Variants in TLN2 observed in about 807,000 individuals in gnomAD.
TLN2 encodes talin 2.
Under a neutral mutation model 294.7 loss-of-function variants are expected in TLN2, and 118 were observed. The observed-to-expected ratio is 0.40, with a 90% CI of 0.34 to 0.47. The LOEUF is 0.47. TLN2 is among the 20% of genes least tolerant of loss of function. TLN2 has a pLI of 0.84. For synonymous variants in TLN2, 1,431 were observed against 1,304.5 expected, an observed-to-expected ratio of 1.10 and a Z score of -2.09; for missense variants, 3,083 against 3,282.2, an observed-to-expected ratio of 0.94 and a Z score of 1.48.
chr15:62,536,574 T>C (rs2140510747), intron 1 of TLN2, among the ~76,000 whole-genome samples: 1 of 152,254 alleles, frequency 6.6e-6, no homozygotes, highest in East Asian at 1.9e-4. Context: ...AGCACGTGTG[T>C]TTTGTCTGTC....
At chr15:62,792,616 C>T in intron 45 of TLN2, 25 bp from the exon 46 acceptor site, 1 of 1,608,616 alleles carries the variant, frequency 6.2e-7, no homozygotes, top group African/African-American at 1.3e-5. Flanking sequence ...GCTTCTCCTT[C>T]CCCATCCTGG....
intron 57 of TLN2, chr15:62,838,028 G>A (rs2141264767): frequency 1.3e-5 from 2 of 152,322 alleles, no homozygotes; most frequent in Middle Eastern, 3.4e-3. Context: ...CTGGGGACAT[G>A]TTTCATGAGC....
intron 52 of TLN2, among the ~76,000 whole-genome samples, chr15:62,814,929 G>A (rs922160272): frequency 2.0e-5 from 3 of 152,162 alleles, no homozygotes; most frequent in Middle Eastern, 3.2e-3. Flanking sequence ...GGCCAGTGCT[G>A]TATGAAGGTC....
chr15:62,740,727 C>T lies in TLN2; in HGVS notation c.3983C>T (p.Pro1328Leu). The T allele has an allele frequency of 1.2e-6, 2 of 1,614,180 alleles. No homozygotes were observed. The highest frequency in any genetic ancestry group is 1.7e-6 in the Non-Finnish European group (2 of 1,180,032). ...GCTGCCAAGTCTCTCTCTGTAGATC[C>T]AGGAGCTCCCAATGCGAAAAATCTC... ...LLAAKSLSVD[P>L]GAPNAKNLLA... Residue 1328 changes from proline to leucine, a missense_variant, in exon 32 of 59, where the codon CCA becomes CTA. Physicochemically the swap from Pro to Leu is moderately conservative, Grantham distance 98. Coordinates refer to ENST00000636159, the MANE Select transcript of TLN2 (RefSeq NM_015059.3).
At chr15:62,508,303 G>A (rs1309547215) in intron 1 of TLN2, among the ~76,000 whole-genome samples, 4 of 152,084 alleles carry the variant, frequency 2.6e-5, no homozygotes, top group East Asian at 3.9e-4. Flanking sequence ...TGCAACCTTC[G>A]CCTCCCGGGT....
intron 1 of TLN2, among the ~76,000 whole-genome samples, chr15:62,561,122 C>T (rs764114537): frequency 1.1e-4 from 16 of 152,206 alleles, no homozygotes; most frequent in Non-Finnish European, 2.1e-4. Flanking sequence ...CTGTGCCTTG[C>T]GACTTCATTA....
At chr15:62,573,962 C>G (rs757693407) in intron 1 of TLN2, among the ~76,000 whole-genome samples, 23 of 152,044 alleles carry the variant, frequency 1.5e-4, no homozygotes, top group Non-Finnish European at 2.9e-4. Flanking sequence ...CACATGCCTT[C>G]AACTTTGAGT....
At chr15:62,471,525 T>C (rs894101437) in intron 1 of TLN2, among the ~76,000 whole-genome samples, 1 of 152,186 alleles carries the variant, frequency 6.6e-6, no homozygotes, top group African/African-American at 2.4e-5. Context: ...TCCTGCATCT[T>C]TGCATGGCCC....
chr15:62,771,260 T>C (rs2063335620), intron 42 of TLN2, 126 bp downstream of exon 42: 1 of 1,092,520 alleles, frequency 9.2e-7, no homozygotes, highest in East Asian at 2.6e-5. Flanking sequence ...GCTCCCACTC[T>C]GAGATCAGAA....
At chr15:62,669,225 A>C (rs1250010499) in intron 9 of TLN2, among the ~76,000 whole-genome samples, 1 of 152,218 alleles carries the variant, frequency 6.6e-6, no homozygotes, top group African/African-American at 2.4e-5. Context: ...GCAGTAGCTC[A>C]ATTTTTATAC....
chr15:62,758,217 A>C (rs2062432363), intron 37 of TLN2, among the ~76,000 whole-genome samples: 1 of 152,034 alleles, frequency 6.6e-6, no homozygotes, highest in African/African-American at 2.4e-5. Flanking sequence ...TACCTCACAC[A>C]GTGGCTCATC....
chr15:62,740,608 C>A (rs372894505), intron 31 of TLN2, 22 bp from the exon 32 acceptor site: 119 of 1,613,806 alleles, frequency 7.4e-5, no homozygotes, highest in Non-Finnish European at 1.0e-4. Context: ...CCTAATAGCT[C>A]CGGCTCCTTT....
intron 1 of TLN2, among the ~76,000 whole-genome samples, chr15:62,526,655 C>T (rs779483643): frequency 3.9e-5 from 6 of 152,200 alleles, no homozygotes; most frequent in Non-Finnish European, 8.8e-5. Context: ...TACTTTCAAA[C>T]AGAAGCAAAC....
intron 20 of TLN2, 34 bp downstream of exon 20, chr15:62,707,287 A>G (rs1405433160): frequency 1.6e-5 from 25 of 1,568,680 alleles, no homozygotes; most frequent in Non-Finnish European, 2.1e-5. Context: ...CTTTCTACCC[A>G]GTATCACCTG....
At chr15:62,490,464 A>G (rs1217011603) in intron 1 of TLN2, among the ~76,000 whole-genome samples, 3 of 152,228 alleles carry the variant, frequency 2.0e-5, no homozygotes, top group Non-Finnish European at 2.9e-5. Flanking sequence ...AAACATAAAT[A>G]TACTTGGGCA....
chr15:62,467,835 C>A (rs181865289), intron 1 of TLN2, among the ~76,000 whole-genome samples: 1 of 152,174 alleles, frequency 6.6e-6, no homozygotes, highest in Non-Finnish European at 1.5e-5. Flanking sequence ...GTGGCCCACC[C>A]CTTTAGTCCT....
rs1446757570 is a variant in TLN2, at chr15:62,712,147, A to C, written c.2634+70A>C. On this transcript the variant is annotated intron_variant, in intron 22 of 58. Coordinates refer to ENST00000636159, the MANE Select transcript of TLN2 (RefSeq NM_015059.3). ...TGTTAGGATTTGGAAGGTACTTTCC[A>C]GATGGGGCATGGTCATCCGAGTGTG... The C allele has an allele frequency of 1.9e-6, 3 of 1,561,240 alleles. No homozygotes were observed. The East Asian group carries it at 6.8e-5, about 35-fold the overall frequency.
intron 35 of TLN2, among the ~76,000 whole-genome samples, chr15:62,752,837 C>T (rs1445550697): frequency 6.6e-6 from 1 of 152,158 alleles, no homozygotes; most frequent in African/African-American, 2.4e-5. Flanking sequence ...TGCCATCATG[C>T]AGAGACATGA....
intron 1 of TLN2, among the ~76,000 whole-genome samples, chr15:62,571,765 C>T (rs530172386): frequency 1.3e-5 from 2 of 152,310 alleles, no homozygotes; most frequent in East Asian, 3.9e-4. Flanking sequence ...AACATCACAT[C>T]ATTTCATCTG....
Sources: gnomAD v4.1 joint callset for allele counts (sites outside exome capture counted in the v4.1 genomes callset) on GRCh38, gnomAD v4.1.1 for gene constraint, MANE v1.5 for transcripts, NCBI Gene and HGNC (gene_info 2026-07-23, HGNC 2026-07-21) for gene names.